Variants in TANC2 observed in about 807,000 individuals in gnomAD.
TANC2 encodes the protein protein TANC2.
A neutral mutation model predicts 210.5 loss-of-function variants in TANC2; 26 were observed. The observed-to-expected ratio is 0.12, with a 90% CI of 0.09 to 0.17. TANC2 has a LOEUF of 0.17. Ranked by LOEUF, TANC2 falls within the 10% of genes least tolerant of loss-of-function variation. The pLI is 1.00. For missense variants in TANC2, 2,129 were observed against 2,608.9 expected (o/e 0.82, Z 4.01); for synonymous variants, 931 against 967.1 (o/e 0.96, Z 0.69).
chr17:63,327,742 T>A (rs1448166295), intron 11 of TANC2, among the ~76,000 whole-genome samples: 3 of 152,118 alleles, frequency 2.0e-5, no homozygotes, highest in African/African-American at 7.2e-5. Context: ...TGGAATACTG[T>A]GCAGCCATTA....
At chr17:63,206,392 C>T (rs969116732) in intron 7 of TANC2, among the ~76,000 whole-genome samples, 2 of 152,114 alleles carry the variant, frequency 1.3e-5, no homozygotes, top group African/African-American at 4.8e-5. Context: ...TGGACAGATA[C>T]TTGTATGCTG....
At chr17:63,185,344 C>T (rs751773760) in intron 5 of TANC2, among the ~76,000 whole-genome samples, 1 of 152,066 alleles carries the variant, frequency 6.6e-6, no homozygotes, top group Non-Finnish European at 1.5e-5. Context: ...CCACCCGCCT[C>T]GGCCTCCCAA....
intron 3 of TANC2, among the ~76,000 whole-genome samples, chr17:63,074,720 C>T (rs530610213): frequency 6.6e-6 from 1 of 151,734 alleles, no homozygotes; most frequent in Non-Finnish European, 1.5e-5. Context: ...CCTTATGTGC[C>T]AATAATAAGT....
intron 19 of TANC2, among the ~76,000 whole-genome samples, chr17:63,404,095 T>A (rs1399382276): frequency 2.0e-5 from 3 of 152,218 alleles, no homozygotes; most frequent in African/African-American, 7.2e-5. Flanking sequence ...GACTACTACA[T>A]CAATTTTTTA....
intron 9 of TANC2, among the ~76,000 whole-genome samples, chr17:63,297,255 G>A (rs1193909381): frequency 6.6e-6 from 1 of 152,112 alleles, no homozygotes; most frequent in Admixed American, 6.5e-5. Context: ...GCCCTGAATA[G>A]CCAAAATGAT....
At chr17:63,311,966 A>G (rs1392299276) in intron 9 of TANC2, among the ~76,000 whole-genome samples, 1 of 152,190 alleles carries the variant, frequency 6.6e-6, no homozygotes, top group Non-Finnish European at 1.5e-5. Flanking sequence ...GCTAATAGAT[A>G]CAGGATTTCT....
Position 63,225,426 on chromosome 17 carries a change from TAGTC to T in TANC2, c.770-12385_770-12382del, listed in dbSNP as rs76408421. 8.0e-4 allele frequency among the ~76,000 whole-genome samples: 122 copies of T among 152,288 alleles called. 3 individuals carry two copies. In the East Asian group the frequency reaches 0.021, roughly 27 times the overall value. ...ACTCTACAAACTTCTTAAGAGACAATAGTCAGCTCCTAAGGTTAATAACTTTGAC... is the reference window on the plus strand; with the variant it reads ...ACTCTACAAACTTCTTAAGAGACAATAGCTCCTAAGGTTAATAACTTTGAC... On this transcript the variant is annotated intron_variant, in intron 7 of 27. Transcript: ENST00000689528.
intron 3 of TANC2, among the ~76,000 whole-genome samples, chr17:63,083,806 A>G (rs1180600304): frequency 1.3e-5 from 2 of 152,144 alleles, no homozygotes; most frequent in Non-Finnish European, 2.9e-5. Flanking sequence ...TTGATTTTCA[A>G]GTGTTGAGCT....
chr17:63,218,891 T>A (rs1369134504), intron 7 of TANC2, among the ~76,000 whole-genome samples: 1 of 151,496 alleles, frequency 6.6e-6, no homozygotes, highest in African/African-American at 2.4e-5. Flanking sequence ...CGAGACTCCA[T>A]CTCAAAAAAG....
chr17:63,397,436 C>G (rs997826756), intron 18 of TANC2, among the ~76,000 whole-genome samples: 4 of 152,148 alleles, frequency 2.6e-5, no homozygotes, highest in Non-Finnish European at 5.9e-5. Context: ...GAGCTGCATC[C>G]CAGTTTGCTC....
chr17:63,377,926 C>T (rs138999799), intron 14 of TANC2, among the ~76,000 whole-genome samples: 5 of 152,292 alleles, frequency 3.3e-5, no homozygotes, highest in African/African-American at 1.2e-4. Context: ...AAATGCCAGA[C>T]ACTTAGAAAA....
At chr17:63,097,922 C>A (rs564737493) in intron 3 of TANC2, among the ~76,000 whole-genome samples, 1 of 152,224 alleles carries the variant, frequency 6.6e-6, no homozygotes, top group East Asian at 1.9e-4. Flanking sequence ...TTCCAGTTTA[C>A]TGATTTGATG....
At chr17:63,318,822 G>A in intron 10 of TANC2, 135 bp from the exon 11 acceptor site, 1 of 1,021,474 alleles carries the variant, frequency 9.8e-7, no homozygotes, top group South Asian at 1.5e-5. Flanking sequence ...TTTTTGGGTG[G>A]ACATGTGTTT....
At chr17:63,309,644 G>A (rs908870274) in intron 9 of TANC2, among the ~76,000 whole-genome samples, 1 of 152,104 alleles carries the variant, frequency 6.6e-6, no homozygotes, top group South Asian at 2.1e-4. Context: ...CTTAAATGGA[G>A]CATTTTCTGA....
chr17:63,208,601 A>G lies in TANC2; in HGVS notation c.769+7644A>G, dbSNP rs1316245033. ...ATTGCATTGAAACCATAGATCAATG[A>G]GTGATGAATTTACAACTGTTTCCAA... On this transcript the variant is annotated intron_variant, in intron 7 of 27. Coordinates refer to ENST00000689528, the Ensembl canonical transcript of TANC2. Among the ~76,000 whole-genome samples the G allele has an allele frequency of 2.6e-5, 4 of 152,224 alleles. No homozygotes were observed. The East Asian group carries it at 7.7e-4, about 29-fold the overall frequency.
At chr17:63,067,047 A>G (rs960235072) in intron 2 of TANC2, among the ~76,000 whole-genome samples, 3 of 152,172 alleles carry the variant, frequency 2.0e-5, no homozygotes, top group African/African-American at 7.2e-5. Context: ...TGACCACTTC[A>G]GGGTACACAG....
chr17:63,041,371 G>A (rs1049591212), intron 2 of TANC2, among the ~76,000 whole-genome samples: 1 of 151,980 alleles, frequency 6.6e-6, no homozygotes, highest in African/African-American at 2.4e-5. Context: ...ATGGAATGTT[G>A]CAGATGAAAC....
intron 3 of TANC2, among the ~76,000 whole-genome samples, chr17:63,081,893 G>A (rs765323016): frequency 1.6e-4 from 24 of 152,262 alleles, no homozygotes; most frequent in Non-Finnish European, 2.2e-4. Context: ...GGCCGGGCAC[G>A]GTGCCTCATG....
exon 22 of TANC2, chr17:63,411,516 T>A (rs1173226314): frequency 1.2e-6 from 2 of 1,608,946 alleles, no homozygotes; most frequent in Non-Finnish European, 1.7e-6. Flanking sequence ...TGCAGGTGCC[T>A]CCATTGCTCT....
Sources: allele counts gnomAD v4.1 joint callset (sites outside exome capture counted in the v4.1 genomes callset), GRCh38; gene constraint gnomAD v4.1.1; transcripts MANE v1.5; gene names NCBI Gene and HGNC (gene_info 2026-07-23, HGNC 2026-07-21).